C17orf99: variants seen among roughly 807,000 people sequenced by gnomAD.
C17orf99 encodes chromosome 17 open reading frame 99, also known as protein IL-40.
A neutral mutation model predicts 22.6 loss-of-function variants in C17orf99; 18 were observed. The observed-to-expected ratio is 0.80, with a 90% CI of 0.55 to 1.18. C17orf99 has a LOEUF of 1.18. Ranked by LOEUF, C17orf99 falls within the 50% of genes most tolerant of loss-of-function variation. The pLI is 0.00. For missense variants in C17orf99, 328 were observed against 342.7 expected, an observed-to-expected ratio of 0.96 and a Z score of 0.34; for synonymous variants, 147 against 136.6, an observed-to-expected ratio of 1.08 and a Z score of -0.53.
chr17:78,154,843 A>AAAATAAAT (rs113698154), intron 2 of C17orf99, among the ~76,000 whole-genome samples: 1 of 151,986 alleles, frequency 6.6e-6, no homozygotes, highest in Non-Finnish European at 1.5e-5. Flanking sequence ...CTCCATCTCA[A>AAAATAAAT]AAATAAATAA....
intron 2 of C17orf99, among the ~76,000 whole-genome samples, chr17:78,156,567 G>C (rs2075526926): frequency 6.6e-6 from 1 of 152,038 alleles, no homozygotes; most frequent in Admixed American, 6.6e-5. Context: ...GCCGTGAGCA[G>C]GCTGGTCTCC....
At chr17:78,156,141 C>G (rs2075523112) in intron 2 of C17orf99, among the ~76,000 whole-genome samples, 1 of 151,184 alleles carries the variant, frequency 6.6e-6, no homozygotes, top group East Asian at 2.0e-4. Flanking sequence ...ACCAGCCTGG[C>G]CAATGTGGCG....
chr17:78,150,358 G>A (rs2075472040), intron 2 of C17orf99, among the ~76,000 whole-genome samples: 1 of 152,066 alleles, frequency 6.6e-6, no homozygotes, highest in Admixed American at 6.6e-5. Context: ...TTGCCCAGCT[G>A]GTCTTGAACT....
At chr17:78,147,030 G>C in intron 2 of C17orf99, 119 bp downstream of exon 2, 1 of 853,856 alleles carries the variant, frequency 1.2e-6, no homozygotes, top group Non-Finnish European at 1.9e-6. Flanking sequence ...GTGTGTGCTG[G>C]AGGATGGCTG....
intron 2 of C17orf99, among the ~76,000 whole-genome samples, chr17:78,147,123 C>T (rs891576041): frequency 1.3e-5 from 2 of 152,196 alleles, no homozygotes; most frequent in Non-Finnish European, 2.9e-5. Context: ...GTGTGGGGAC[C>T]TCCGGGGCAC....
chr17:78,155,962 T>C (rs939125023), intron 2 of C17orf99, among the ~76,000 whole-genome samples: 5 of 151,732 alleles, frequency 3.3e-5, no homozygotes, highest in Non-Finnish European at 5.9e-5. Context: ...GTCCCCGCCA[T>C]TGGTATAATA....
intron 4 of C17orf99, 103 bp from the exon 5 acceptor site, chr17:78,165,786 G>A (rs886149386): frequency 3.7e-5 from 47 of 1,261,994 alleles, no homozygotes; most frequent in Non-Finnish European, 4.4e-5. Flanking sequence ...TGGACAAAAA[G>A]AGCAAAACTC....
intron 2 of C17orf99, among the ~76,000 whole-genome samples, chr17:78,154,522 T>C (rs958178404): frequency 1.3e-5 from 2 of 151,302 alleles, no homozygotes; most frequent in African/African-American, 4.9e-5. Context: ...CCCTGAGGCC[T>C]GGGTGACAGG....
At chr17:78,156,456 G>T (rs186536823) in intron 2 of C17orf99, among the ~76,000 whole-genome samples, 1 of 151,628 alleles carries the variant, frequency 6.6e-6, no homozygotes, top group South Asian at 2.1e-4. Context: ...GAAGTCACTC[G>T]CAAGCAGAAA....
At chr17:78,152,485 C>G (rs2075492020) in intron 2 of C17orf99, among the ~76,000 whole-genome samples, 1 of 152,022 alleles carries the variant, frequency 6.6e-6, no homozygotes, top group African/African-American at 2.4e-5. Context: ...CAGGCACATG[C>G]CACCATGCCC....
intron 2 of C17orf99, among the ~76,000 whole-genome samples, chr17:78,152,335 AT>A (rs370243424): frequency 0.13 from 15,520 of 118,162 alleles, 913 homozygotes; most frequent in Middle Eastern, 0.31. Context: ...TGCCTGCTTA[AT>A]TTTTTTTTTT....
At chr17:78,164,692 A>G in intron 4 of C17orf99, 2 of 1,391,402 alleles carry the variant, frequency 1.4e-6, no homozygotes, top group Non-Finnish European at 1.9e-6. Context: ...TGCAGGGAGG[A>G]GGGAGAGCTG....
At chr17:78,161,509 G>A (rs921563678) in intron 3 of C17orf99, among the ~76,000 whole-genome samples, 20 of 152,144 alleles carry the variant, frequency 1.3e-4, no homozygotes, top group African/African-American at 4.1e-4. Flanking sequence ...GAAAGAGCCC[G>A]ATGGTGGCAG....
At chr17:78,154,415 G>T (rs1334999456) in intron 2 of C17orf99, among the ~76,000 whole-genome samples, 1 of 151,964 alleles carries the variant, frequency 6.6e-6, no homozygotes, top group African/African-American at 2.4e-5. Context: ...AGGCGTGGTG[G>T]CATGTGTCTG....
rs2145764465 is a variant in C17orf99, at chr17:78,146,740, G to A, written c.38-139G>A. The A allele has an allele frequency of 1.2e-6, 1 of 808,620 alleles. No homozygotes were observed. The highest frequency in any genetic ancestry group is 1.6e-5 in the South Asian group (1 of 61,154). The allele number at this position is 808,620 out of a possible 1,614,324, so 50.1% of individuals were successfully genotyped here. A position where few individuals can be genotyped will look rare whatever the true frequency, so the allele number is the denominator to read the frequency against. On this transcript the variant is annotated intron_variant, in intron 1 of 4. Transcript: ENST00000340363. The surrounding 1 kb of genome is among the most constrained non-coding windows in gnomAD (Gnocchi z 5.2). ...CGCAAAAGAGCTTTTGTGAGTGATG[G>A]TGCCAGCTGAGTCCTGGGGCCTCAC...
In C17orf99 at chr17:78,146,861, C is replaced by A. The variant is rs140831574; in HGVS notation, c.38-18C>A. On this transcript the variant is annotated intron_variant, in intron 1 of 4. Transcript: ENST00000340363. This position sits in a 1 kb window ranked among gnomAD's most constrained non-coding sequence, Gnocchi z 5.2. ...TCCACACCAGGCCCTCTCCTTATCGCCCTTACCTCTCTTACAGCTGCCAGC... is the reference window on the plus strand; with the variant it reads ...TCCACACCAGGCCCTCTCCTTATCGACCTTACCTCTCTTACAGCTGCCAGC... 1.3e-6 allele frequency: 2 copies of A among 1,551,348 alleles called. No individual in the cohort carries two copies. The highest frequency in any genetic ancestry group is 1.7e-6 in the Non-Finnish European group (2 of 1,146,726).
chr17:78,150,583 T>C (rs1203537300), intron 2 of C17orf99, among the ~76,000 whole-genome samples: 2 of 152,174 alleles, frequency 1.3e-5, no homozygotes, highest in African/African-American at 4.8e-5. Context: ...AAGACATAAC[T>C]GCTGTTTAGC....
intron 2 of C17orf99, among the ~76,000 whole-genome samples, chr17:78,148,133 C>T (rs1278562437): frequency 2.0e-5 from 3 of 151,670 alleles, no homozygotes; most frequent in Non-Finnish European, 2.9e-5. Context: ...CCTGTTATCC[C>T]GCACTTTGGG....
At chr17:78,147,134 A>C (rs1158113376) in intron 2 of C17orf99, among the ~76,000 whole-genome samples, 1 of 152,236 alleles carries the variant, frequency 6.6e-6, no homozygotes, top group Non-Finnish European at 1.5e-5. Flanking sequence ...TCCGGGGCAC[A>C]CAGGCAGGGA....
Sources: gnomAD v4.1 joint callset for allele counts (sites outside exome capture counted in the v4.1 genomes callset) on GRCh38, gnomAD v4.1.1 for gene constraint, Gnocchi (gnomAD v3.1) non-coding constraint, MANE v1.5 for transcripts, NCBI Gene and HGNC (gene_info 2026-07-23, HGNC 2026-07-21) for gene names.